Variants in PCDHGA2 observed in about 807,000 individuals in gnomAD.
PCDHGA2 encodes the protein protocadherin gamma subfamily A, 2.
Under a neutral mutation model 59.2 loss-of-function variants are expected in PCDHGA2, and 40 were observed. That is an observed-to-expected ratio of 0.68 (90% CI 0.52 to 0.88). PCDHGA2 has a LOEUF of 0.88. PCDHGA2 is among the 40% of genes least tolerant of loss of function. The pLI is 0.00. For missense variants in PCDHGA2, 1,226 were observed against 1,204.0 expected (o/e 1.02, Z -0.27); for synonymous variants, 560 against 526.0 (o/e 1.06, Z -0.89).
chr5:141,450,937 A>G (rs1011608521), intron 1 of PCDHGA2, among the ~76,000 whole-genome samples: 1 of 148,134 alleles, frequency 6.8e-6, no homozygotes, highest in African/African-American at 2.5e-5. Flanking sequence ...CAATTCTCCT[A>G]CCTCAGCCTC....
At chr5:141,375,607 C>T in intron 1 of PCDHGA2, 1 of 1,614,216 alleles carries the variant, frequency 6.2e-7, no homozygotes, top group East Asian at 2.2e-5. Context: ...TGTCCATCAA[C>T]TCCGACACTG....
chr5:141,392,713 G>C, intron 1 of PCDHGA2: 1 of 1,363,444 alleles, frequency 7.3e-7, no homozygotes, highest in Non-Finnish European at 9.6e-7. Flanking sequence ...AGGCACTCCA[G>C]GTTTCCGGAG....
At chr5:141,418,863 TAG>T (rs1165304037) in intron 1 of PCDHGA2, 1 of 1,613,990 alleles carries the variant, frequency 6.2e-7, no homozygotes, top group Non-Finnish European at 8.5e-7. Context: ...AAAGTAATTG[TAG>T]AAGTTGTAGA....
rs969397099 is a variant in PCDHGA2, at chr5:141,477,807, C to T, written c.2425-17000C>T. 6.2e-6 allele frequency: 10 copies of T among 1,613,932 alleles called. No homozygotes were observed. Among genetic ancestry groups the T allele is most frequent in the African/African-American group, 1.3e-5 (1 of 74,922 alleles). ...TTTGTCACTGATCGCAATGACAATG[C>T]CCCCCAGGTCCTATATCCTCGGCCA... is the stretch of plus-strand genomic sequence containing the variant. On this transcript the variant is annotated intron_variant, in intron 1 of 3. Transcript: ENST00000394576. The surrounding 1 kb of genome is among the most constrained non-coding windows in gnomAD (Gnocchi z 4.9).
chr5:141,352,839 T>G (rs932260905), intron 1 of PCDHGA2: 1 of 717,666 alleles, frequency 1.4e-6, no homozygotes, highest in African/African-American at 1.8e-5. Context: ...ATTACAAAAA[T>G]TAGTTGGGTG....
chr5:141,427,664 C>T (rs760682962), intron 1 of PCDHGA2: 11 of 775,778 alleles, frequency 1.4e-5, no homozygotes, highest in East Asian at 1.0e-4. Context: ...TCCACGTGGC[C>T]GAAAACAACC....
chr5:141,367,409 C>G (rs923534694), intron 1 of PCDHGA2: 1 of 152,094 alleles, frequency 6.6e-6, no homozygotes, highest in Non-Finnish European at 1.5e-5. Flanking sequence ...TGGTGGCAGG[C>G]GCCTGTAGTC....
At chr5:141,447,613 A>G (rs1169186870) in intron 1 of PCDHGA2, among the ~76,000 whole-genome samples, 1 of 152,186 alleles carries the variant, frequency 6.6e-6, no homozygotes, top group Admixed American at 6.5e-5. Context: ...TTAGCATTTT[A>G]AAGTTGAAAC....
At chr5:141,399,095 T>G (rs1342683408) in intron 1 of PCDHGA2, 2 of 1,613,850 alleles carry the variant, frequency 1.2e-6, no homozygotes, top group East Asian at 2.2e-5. Context: ...GGTGGTGGAC[T>G]GGTTGCACAA....
At chr5:141,369,998 A>G (rs553441989) in intron 1 of PCDHGA2, among the ~76,000 whole-genome samples, 1 of 152,372 alleles carries the variant, frequency 6.6e-6, no homozygotes, top group Admixed American at 6.5e-5. Context: ...ATAAAGCTCA[A>G]ATTAAAAGAA....
chr5:141,490,485 G>A lies in PCDHGA2; in HGVS notation c.2425-4322G>A. 3 of 1,614,202 alleles carry A rather than the reference G, an allele frequency of 1.9e-6. No individual in the cohort carries two copies. Among genetic ancestry groups the A allele is most frequent in the Middle Eastern group, 3.3e-4 (2 of 6,062 alleles). On this transcript the variant is annotated intron_variant, in intron 1 of 3. Coordinates refer to ENST00000394576, the MANE Select transcript of PCDHGA2 (RefSeq NM_018915.4). This position sits in a 1 kb window ranked among gnomAD's most constrained non-coding sequence, Gnocchi z 5.4. ...TAACCAGCCAGCCTTTGGACCGGGA[G>A]GCCACATCCCACTATATCATCGAGC... is the stretch of plus-strand genomic sequence containing the variant.
chr5:141,348,872 G>A (rs1378126048), intron 1 of PCDHGA2, among the ~76,000 whole-genome samples: 1 of 152,130 alleles, frequency 6.6e-6, no homozygotes, highest in Admixed American at 6.6e-5. Flanking sequence ...ATAAATTGTT[G>A]AGTTGGATCT....
In PCDHGA2 at chr5:141,345,910, T is replaced by A. The variant is rs200807803; in HGVS notation, c.2424+4515T>A. ...TCGGTGGGTCTGCACACGGGCGAGG[T>A]GCGCACGGCGCGAGCCCTGCTGGAC... On this transcript the variant is annotated intron_variant, in intron 1 of 3. Coordinates refer to ENST00000394576, the MANE Select transcript of PCDHGA2 (RefSeq NM_018915.4). 37 of 1,609,936 alleles carry A rather than the reference T, an allele frequency of 2.3e-5. No individual in the cohort carries two copies. Among genetic ancestry groups the A allele is most frequent in the South Asian group, 3.3e-5 (3 of 90,810 alleles).
At chr5:141,435,214 A>C (rs1314928643) in intron 1 of PCDHGA2, among the ~76,000 whole-genome samples, 1 of 152,176 alleles carries the variant, frequency 6.6e-6, no homozygotes, top group Non-Finnish European at 1.5e-5. Flanking sequence ...AAGTGAATTT[A>C]CTTTCTTTCA....
chr5:141,425,401 T>C (rs1280463432), intron 1 of PCDHGA2, among the ~76,000 whole-genome samples: 1 of 152,234 alleles, frequency 6.6e-6, no homozygotes, highest in Non-Finnish European at 1.5e-5. Context: ...AAAGTTCTGT[T>C]AAGGTATAAC....
intron 1 of PCDHGA2, among the ~76,000 whole-genome samples, chr5:141,480,106 A>C (rs1466691134): frequency 6.6e-6 from 1 of 152,196 alleles, no homozygotes; most frequent in Non-Finnish European, 1.5e-5. Context: ...AGTGTTTAGC[A>C]TGGTGCCTGG....
intron 1 of PCDHGA2, chr5:141,362,388 C>G (rs1267165641): frequency 2.5e-6 from 4 of 1,613,948 alleles, no homozygotes; most frequent in African/African-American, 2.7e-5. Flanking sequence ...TGCCCTATTC[C>G]TACAACCTGT....
chr5:141,393,366 G>A (rs998330932), intron 1 of PCDHGA2: 1 of 1,613,874 alleles, frequency 6.2e-7, no homozygotes, highest in African/African-American at 1.3e-5. Context: ...CGTGCAGACT[G>A]GAGACAATGG....
At position 141,340,723 on chromosome 5, in the gene PCDHGA2, C is replaced by T. The variant is rs747337907; in HGVS notation, c.1752C>T (p.Pro584=). Residue 584 remains proline (P), a synonymous_variant, in exon 1 of 4, where the codon CCC becomes CCT. Transcript: ENST00000394576. ...GVELAPRSAE[P]GYLVTKVVAV... is the part of the protein sequence containing the mutation. The stretch of plus-strand genomic sequence containing the variant: ...AGCTGGCGCCCCGCTCCGCAGAGCC[C>T]GGCTACCTGGTGACCAAGGTGGTGG... 180 of 1,613,930 alleles carry T rather than the reference C, an allele frequency of 1.1e-4. No homozygotes were observed. Among genetic ancestry groups the T allele is most frequent in the Middle Eastern group, 1.7e-4 (1 of 6,052 alleles).
Sources: allele counts gnomAD v4.1 joint callset (sites outside exome capture counted in the v4.1 genomes callset), GRCh38; gene constraint gnomAD v4.1.1; non-coding constraint Gnocchi (gnomAD v3.1); transcripts MANE v1.5; gene names NCBI Gene and HGNC (gene_info 2026-07-23, HGNC 2026-07-21).